The following KCND2 variants were observed in gnomAD, a reference collection of about 807,000 sequenced individuals.
The protein encoded by KCND2 is A-type voltage-gated potassium channel KCND2.
In KCND2, 16 loss-of-function variants were observed where a neutral mutation model predicts 54.4. The ratio of observed to expected loss-of-function variants is 0.29; its 90% CI spans 0.20 to 0.45. The LOEUF (loss-of-function observed/expected upper bound fraction) is 0.45. KCND2 is among the 20% of genes least tolerant of loss of function. The pLI, the probability that KCND2 is intolerant of heterozygous loss-of-function variation, is 1.00. For missense variants in KCND2, 486 were observed against 824.2 expected, an observed-to-expected ratio of 0.59 and a Z score of 5.02; for synonymous variants, 317 against 310.7, an observed-to-expected ratio of 1.02 and a Z score of -0.21.
At chr7:120,555,024 A>G (rs1463872854) in intron 1 of KCND2, among the ~76,000 whole-genome samples, 2 of 152,186 alleles carry the variant, frequency 1.3e-5, no homozygotes, top group Admixed American at 1.3e-4. Context: ...TGCTTTCACT[A>G]TAATCTGAAT....
In KCND2 at chr7:120,416,461, A is replaced by G. The variant is rs997500346; in HGVS notation, c.1115+140714A>G. Among the ~76,000 whole-genome samples the G allele has an allele frequency of 1.0e-3, 159 of 152,196 alleles. 2 individuals carry two copies. Among genetic ancestry groups the G allele is most frequent in the Non-Finnish European group, 7.9e-4 (54 of 68,040 alleles). Reference sequence around the variant, plus strand: ...TTCCAGATAAGATTAGTCTCCTGCAATTGACTTTCATAGTATTACATATAT... The same window carrying G: ...TTCCAGATAAGATTAGTCTCCTGCAGTTGACTTTCATAGTATTACATATAT... On this transcript the variant is annotated intron_variant, in intron 1 of 5. Coordinates refer to ENST00000331113, the MANE Select transcript of KCND2 (RefSeq NM_012281.3).
Position 120,477,405 on chromosome 7 carries a change from CTT to C in KCND2, c.1115+201660_1115+201661del, listed in dbSNP as rs527580234. 2.0e-3 allele frequency among the ~76,000 whole-genome samples: 297 copies of C among 152,152 alleles called. 2 individuals are homozygous for C. Among genetic ancestry groups the C allele is most frequent in the Non-Finnish European group, 1.5e-3 (103 of 68,000 alleles). ...AGGAGACAAGAGGCTTATGGGGACT[CTT>C]TGTACTGCTTAGCTTTGCTGTAAAC... On this transcript the variant is annotated intron_variant, in intron 1 of 5. Transcript: ENST00000331113.
intron 1 of KCND2, among the ~76,000 whole-genome samples, chr7:120,309,464 TATATATATATACACACACAC>T (rs1161869576): frequency 1.4e-4 from 17 of 119,188 alleles, no homozygotes; most frequent in African/African-American, 4.1e-4. Context: ...TATATATATA[TATATATATATACACACACAC>T]ACACACACAC....
intron 1 of KCND2, among the ~76,000 whole-genome samples, chr7:120,621,353 T>G (rs1419506395): frequency 6.8e-6 from 1 of 146,236 alleles, no homozygotes; most frequent in African/African-American, 2.5e-5. Flanking sequence ...ATTCTTATTC[T>G]CCCAGTCCAC....
At chr7:120,663,738 CAT>C (rs1791893409) in intron 1 of KCND2, among the ~76,000 whole-genome samples, 1 of 152,158 alleles carries the variant, frequency 6.6e-6, no homozygotes, top group Non-Finnish European at 1.5e-5. Context: ...GATACTATGT[CAT>C]GGATACAATT....
chr7:120,569,280 A>G (rs749188349), intron 1 of KCND2, among the ~76,000 whole-genome samples: 2 of 152,164 alleles, frequency 1.3e-5, no homozygotes, highest in Non-Finnish European at 2.9e-5. Context: ...TAATGACAAG[A>G]AAAGCAAAAT....
At chr7:120,428,921 CTTTGCTACTCCTG>C (rs1338490044) in intron 1 of KCND2, among the ~76,000 whole-genome samples, 1 of 152,076 alleles carries the variant, frequency 6.6e-6, no homozygotes, top group African/African-American at 2.4e-5. Flanking sequence ...AATTGTTGCT[CTTTGCTACTCCTG>C]ATTTTCCATC....
At chr7:120,335,776 C>T (rs982252169) in intron 1 of KCND2, among the ~76,000 whole-genome samples, 4 of 152,170 alleles carry the variant, frequency 2.6e-5, no homozygotes, top group East Asian at 1.9e-4. Context: ...TGAGCCACCG[C>T]GCCCGGCTGG....
chr7:120,684,224 A>G (rs1400353828), intron 1 of KCND2, among the ~76,000 whole-genome samples: 1 of 152,152 alleles, frequency 6.6e-6, no homozygotes, highest in Admixed American at 6.6e-5. Flanking sequence ...CTTCAGAAAC[A>G]GCAAGTTCAC....
At chr7:120,637,075 C>T (rs1793314294) in intron 1 of KCND2, among the ~76,000 whole-genome samples, 1 of 152,068 alleles carries the variant, frequency 6.6e-6, no homozygotes, top group Non-Finnish European at 1.5e-5. Flanking sequence ...CTGCTCTGTG[C>T]CAGCACTTTG....
chr7:120,506,951 A>G (rs1404748410), intron 1 of KCND2, among the ~76,000 whole-genome samples: 1 of 151,838 alleles, frequency 6.6e-6, no homozygotes, highest in African/African-American at 2.4e-5. Context: ...ACAAAAAAGA[A>G]AGAGCCAAGG....
chr7:120,684,795 G>A (rs1792181158), intron 1 of KCND2, among the ~76,000 whole-genome samples: 1 of 152,100 alleles, frequency 6.6e-6, no homozygotes, highest in African/African-American at 2.4e-5. Context: ...AGCGGTTTTA[G>A]AATCTCATAG....
At chr7:120,439,567 G>C (rs1329731499) in intron 1 of KCND2, among the ~76,000 whole-genome samples, 1 of 151,952 alleles carries the variant, frequency 6.6e-6, no homozygotes, top group Non-Finnish European at 1.5e-5. Flanking sequence ...ATTGTGGACT[G>C]TACTTACCCT....
intron 1 of KCND2, among the ~76,000 whole-genome samples, chr7:120,474,839 G>A (rs1368166300): frequency 6.6e-6 from 1 of 152,094 alleles, no homozygotes; most frequent in African/African-American, 2.4e-5. Context: ...TCTTTGCTAA[G>A]CAGAAGCATG....
intron 1 of KCND2, among the ~76,000 whole-genome samples, chr7:120,396,053 T>C (rs1244209385): frequency 1.3e-5 from 2 of 152,018 alleles, no homozygotes; most frequent in East Asian, 3.9e-4. Context: ...TTTGTATAGA[T>C]AGATTACACA....
chr7:120,622,862 A>G (rs1793119299), intron 1 of KCND2, among the ~76,000 whole-genome samples: 2 of 152,142 alleles, frequency 1.3e-5, no homozygotes, highest in South Asian at 4.1e-4. Context: ...GGAATTGTTA[A>G]TTTTCAGATA....
At chr7:120,316,143 AT>A (rs1799808397) in intron 1 of KCND2, among the ~76,000 whole-genome samples, 1 of 152,218 alleles carries the variant, frequency 6.6e-6, no homozygotes, top group Non-Finnish European at 1.5e-5. Flanking sequence ...TTTATCTTCC[AT>A]TTTAGAAACC....
intron 1 of KCND2, among the ~76,000 whole-genome samples, chr7:120,389,241 A>G (rs1041359716): frequency 6.6e-6 from 1 of 151,890 alleles, no homozygotes; most frequent in African/African-American, 2.4e-5. Context: ...TTGCTAAAAC[A>G]TTTCTTTTTA....
chr7:120,420,688 TTGA>T (rs1801598513), intron 1 of KCND2, among the ~76,000 whole-genome samples: 1 of 152,198 alleles, frequency 6.6e-6, no homozygotes, highest in Admixed American at 6.5e-5. Context: ...CATTTGTCTC[TTGA>T]TGAGTACGGA....
Sources: gnomAD v4.1 joint callset for allele counts (sites outside exome capture counted in the v4.1 genomes callset) on GRCh38, gnomAD v4.1.1 for gene constraint, MANE v1.5 for transcripts, NCBI Gene and HGNC (gene_info 2026-07-23, HGNC 2026-07-21) for gene names.